The following ATP13A4 variants were observed in gnomAD, a reference collection of about 807,000 sequenced individuals.
The protein encoded by ATP13A4 is ATPase 13A4.
ATP13A4 carries 114 observed loss-of-function variants against 142.5 expected under a neutral mutation model. The ratio of observed to expected loss-of-function variants is 0.80; its 90% CI spans 0.69 to 0.93. The LOEUF (loss-of-function observed/expected upper bound fraction) is 0.93, where lower values mean the gene tolerates loss of function less well. ATP13A4 is among the 40% of genes least tolerant of loss of function. The pLI is 0.00. For synonymous variants in ATP13A4, 488 were observed against 514.8 expected, an observed-to-expected ratio of 0.95 and a Z score of 0.70; for missense variants, 1,392 against 1,454.0, an observed-to-expected ratio of 0.96 and a Z score of 0.69.
intron 18 of ATP13A4, among the ~76,000 whole-genome samples, 156 bp downstream of exon 18, chr3:193,448,040 TGGAAACTCAG>T (rs1478829407): frequency 2.6e-5 from 4 of 152,220 alleles, no homozygotes; most frequent in Non-Finnish European, 5.9e-5. Flanking sequence ...TCCACTCACA[TGGAAACTCAG>T]GGAAAGCAGT....
intron 18 of ATP13A4, among the ~76,000 whole-genome samples, chr3:193,446,282 C>G (rs767517598): frequency 3.9e-5 from 6 of 152,098 alleles, no homozygotes; most frequent in Non-Finnish European, 8.8e-5. Flanking sequence ...AGAACAGAGG[C>G]AAAAATTAAA....
intron 2 of ATP13A4, among the ~76,000 whole-genome samples, chr3:193,569,677 G>A (rs953959070): frequency 2.6e-5 from 4 of 151,800 alleles, no homozygotes; most frequent in South Asian, 2.1e-4. Flanking sequence ...ACAGATGCAC[G>A]CCACCACGCT....
chr3:193,501,779 A>G lies in ATP13A4; in HGVS notation c.381+714T>C, dbSNP rs546240038. Among the ~76,000 whole-genome samples the G allele has an allele frequency of 1.5e-4, 23 of 152,290 alleles. No homozygotes were observed. In the South Asian group the frequency reaches 4.6e-3, roughly 30 times the overall value. On this transcript the variant is annotated intron_variant, in intron 3 of 29. Transcript: ENST00000342695. ...TTTTTAATATGAATGTTAACTAGTC[A>G]TAATCCAAGCAGAACTAATTTAATA... is the stretch of plus-strand genomic sequence containing the variant.
intron 2 of ATP13A4, among the ~76,000 whole-genome samples, chr3:193,580,680 C>T (rs1202490610): frequency 6.6e-6 from 1 of 151,898 alleles, no homozygotes; most frequent in Non-Finnish European, 1.5e-5. Flanking sequence ...AGGAAATGAA[C>T]CAGAGTGTGG....
At chr3:193,580,346 A>G (rs1468403324) in intron 2 of ATP13A4, among the ~76,000 whole-genome samples, 1 of 152,150 alleles carries the variant, frequency 6.6e-6, no homozygotes, top group Non-Finnish European at 1.5e-5. Context: ...CAGTTGTAGC[A>G]GGATATAGCC....
Position 193,438,552 on chromosome 3 carries a change from T to A in ATP13A4, c.2595A>T (p.Leu865Phe). Reference sequence around the variant, plus strand: ...AGGCCACAGATGCCTCCTGCTCTGATAATGAGATGCCCACATGAGCCATTT... The same window carrying A: ...AGGCCACAGATGCCTCCTGCTCTGAAAATGAGATGCCCACATGAGCCATTT... ...ALKMAHVGIS[L>F]SEQEASVASP... is the part of the protein sequence containing the mutation. Residue 865 changes from leucine to phenylalanine, a missense_variant, in exon 23 of 30, where the codon TTA (leucine) becomes TTT (phenylalanine). Transcript: ENST00000342695. 1 of 1,614,186 alleles carries A rather than the reference T, an allele frequency of 6.2e-7. No homozygotes were observed. Among genetic ancestry groups the A allele is most frequent in the Non-Finnish European group, 8.5e-7 (1 of 1,180,020 alleles).
At chr3:193,589,967 A>C (rs1724733404) in intron 1 of ATP13A4, among the ~76,000 whole-genome samples, 1 of 151,920 alleles carries the variant, frequency 6.6e-6, no homozygotes, top group Non-Finnish European at 1.5e-5. Flanking sequence ...GCCAAAAAAA[A>C]AAAAAAAAAA....
chr3:193,485,316 G>A (rs1279440466), intron 7 of ATP13A4, among the ~76,000 whole-genome samples: 1 of 151,514 alleles, frequency 6.6e-6, no homozygotes, highest in Non-Finnish European at 1.5e-5. Context: ...ACACGTACAG[G>A]TGGAGCAGCA....
At position 193,536,199 on chromosome 3, in the gene ATP13A4, A is replaced by G. The variant is rs563810866; in HGVS notation, c.60+18541T>C. ...GACAGTAAAAAAACAAAAAGTATAG[A>G]CCAACATCCCTCAGGAATAGAGAAG... On this transcript the variant is annotated intron_variant, in intron 1 of 29. Transcript: ENST00000342695. 2.3e-4 allele frequency among the ~76,000 whole-genome samples: 35 copies of G among 152,216 alleles called. 1 individual carries two copies. The highest frequency in any genetic ancestry group is 2.2e-3 in the Admixed American group (33 of 15,294).
At chr3:193,450,923 G>T (rs111382511) in intron 17 of ATP13A4, among the ~76,000 whole-genome samples, 21 of 152,318 alleles carry the variant, frequency 1.4e-4, no homozygotes, top group African/African-American at 4.8e-4. Context: ...ACTGCATGAT[G>T]TTTGCAGGCA....
At chr3:193,536,515 T>C (rs1722600227) in intron 1 of ATP13A4, among the ~76,000 whole-genome samples, 1 of 152,060 alleles carries the variant, frequency 6.6e-6, no homozygotes, top group African/African-American at 2.4e-5. Flanking sequence ...ATAAGGAGCA[T>C]TTTTAAAACC....
At chr3:193,504,625 C>G (rs1429946549) in intron 2 of ATP13A4, among the ~76,000 whole-genome samples, 1 of 152,144 alleles carries the variant, frequency 6.6e-6, no homozygotes, top group Non-Finnish European at 1.5e-5. Flanking sequence ...CCCCTCTAAC[C>G]TTCCACTTTA....
chr3:193,418,754 G>A (rs571552959), intron 25 of ATP13A4, among the ~76,000 whole-genome samples: 8 of 150,008 alleles, frequency 5.3e-5, no homozygotes, highest in African/African-American at 2.0e-4. Flanking sequence ...CCAACAGTGT[G>A]CCCTTCCCCC....
chr3:193,410,848 ATT>A, intron 28 of ATP13A4, 132 bp downstream of exon 28: 1 of 639,970 alleles, frequency 1.6e-6, no homozygotes, highest in Non-Finnish European at 2.8e-6. Flanking sequence ...TAAATTTAGC[ATT>A]TTTTTTAGCT....
At chr3:193,434,964 C>T (rs1457135076) in intron 24 of ATP13A4, among the ~76,000 whole-genome samples, 1 of 151,970 alleles carries the variant, frequency 6.6e-6, no homozygotes, top group Non-Finnish European at 1.5e-5. Context: ...TTAAACAAAG[C>T]CAATACAAAA....
intron 18 of ATP13A4, 92 bp downstream of exon 18, chr3:193,448,114 A>G (rs1717059876): frequency 5.8e-6 from 9 of 1,542,000 alleles, no homozygotes; most frequent in Admixed American, 1.7e-5. Flanking sequence ...TCTGGCCCAG[A>G]GTAGGTAGTC....
At chr3:193,490,718 C>G (rs75436926) in intron 6 of ATP13A4, among the ~76,000 whole-genome samples, 1 of 152,100 alleles carries the variant, frequency 6.6e-6, no homozygotes, top group Non-Finnish European at 1.5e-5. Flanking sequence ...TCATGCTTGA[C>G]GGCTTGTTGG....
chr3:193,478,339 G>T (rs1719089149), intron 8 of ATP13A4, among the ~76,000 whole-genome samples: 2 of 151,510 alleles, frequency 1.3e-5, no homozygotes, highest in Admixed American at 6.6e-5. Context: ...ACAAAAAGCT[G>T]GTTCTTTGAA....
At chr3:193,592,165 G>A (rs1724828572) in intron 1 of ATP13A4, among the ~76,000 whole-genome samples, 1 of 148,208 alleles carries the variant, frequency 6.7e-6, no homozygotes, top group Non-Finnish European at 1.5e-5. Context: ...TGGGGAGGAG[G>A]TGAAAGGTCC....
Sources: gnomAD v4.1 joint callset for allele counts (sites outside exome capture counted in the v4.1 genomes callset) on GRCh38, gnomAD v4.1.1 for gene constraint, MANE v1.5 for transcripts, NCBI Gene and HGNC (gene_info 2026-07-23, HGNC 2026-07-21) for gene names.